MAPK10: variants seen among roughly 807,000 people sequenced by gnomAD.
MAPK10 encodes the protein JNK3 alpha protein kinase.
In MAPK10, 25 loss-of-function variants were observed where a neutral mutation model predicts 59.3. The observed-to-expected ratio is 0.42, with a 90% CI of 0.31 to 0.59. MAPK10 has a LOEUF of 0.59. Ranked by LOEUF, MAPK10 falls within the 20% of genes least tolerant of loss-of-function variation. The pLI, the probability that MAPK10 is intolerant of heterozygous loss-of-function variation, is 0.15. For synonymous variants in MAPK10, 190 were observed against 200.5 expected (o/e 0.95, Z 0.44); for missense variants, 351 against 568.9 (o/e 0.62, Z 3.90).
chr4:86,246,227 C>T (rs1482331270), intron 2 of MAPK10, among the ~76,000 whole-genome samples: 2 of 152,094 alleles, frequency 1.3e-5, no homozygotes, highest in East Asian at 1.9e-4. Flanking sequence ...GTCAGGAGAT[C>T]GAGACTATCC....
intron 3 of MAPK10, chr4:86,164,355 T>C (rs2070885594): frequency 6.6e-6 from 1 of 152,136 alleles, no homozygotes; most frequent in Admixed American, 6.6e-5. Context: ...AGACTTAAGT[T>C]ATGAATATCT....
chr4:86,446,731 T>C (rs1191445669), intron 1 of MAPK10, among the ~76,000 whole-genome samples: 1 of 152,204 alleles, frequency 6.6e-6, no homozygotes, highest in Non-Finnish European at 1.5e-5. Context: ...TCCTTACTGA[T>C]ACTTCTGTCA....
rs146892199 is a variant in MAPK10, at chr4:86,042,232, C to G, written c.1111-10801G>C. 1.3e-3 allele frequency among the ~76,000 whole-genome samples: 192 copies of G among 152,284 alleles called. 2 individuals carry two copies. The highest frequency in any genetic ancestry group is 4.1e-3 in the Admixed American group (63 of 15,294). On this transcript the variant is annotated intron_variant, in intron 11 of 13. Coordinates refer to ENST00000641462, the MANE Select transcript of MAPK10 (RefSeq NM_138982.4). ...AACAACTAGCACAGGAACAAAAAACCAAACACTGCGTGTTCTCACTCATAA... is the reference window on the plus strand; with the variant it reads ...AACAACTAGCACAGGAACAAAAAACGAAACACTGCGTGTTCTCACTCATAA...
chr4:86,118,189 T>A (rs568376903), intron 4 of MAPK10, among the ~76,000 whole-genome samples: 1 of 152,350 alleles, frequency 6.6e-6, no homozygotes, highest in South Asian at 2.1e-4. Flanking sequence ...GTTTAGCAAA[T>A]ACATCTGCAA....
chr4:86,401,654 C>A (rs1371435715), intron 1 of MAPK10, among the ~76,000 whole-genome samples: 1 of 152,136 alleles, frequency 6.6e-6, no homozygotes, highest in Non-Finnish European at 1.5e-5. Flanking sequence ...ATTCTATAAT[C>A]TCTATGTCTA....
chr4:86,211,878 T>C (rs1264006924), intron 2 of MAPK10, among the ~76,000 whole-genome samples: 2 of 152,074 alleles, frequency 1.3e-5, no homozygotes, highest in Admixed American at 1.3e-4. Flanking sequence ...TAAATTCAAA[T>C]TGGTGTGCTA....
At chr4:86,368,624 A>C (rs1368068722) in intron 1 of MAPK10, among the ~76,000 whole-genome samples, 2 of 152,164 alleles carry the variant, frequency 1.3e-5, no homozygotes, top group African/African-American at 2.4e-5. Context: ...TAAGCTTATA[A>C]AAGTACGGGT....
intron 2 of MAPK10, among the ~76,000 whole-genome samples, chr4:86,262,532 T>C (rs2094036873): frequency 6.6e-6 from 1 of 152,158 alleles, no homozygotes; most frequent in Non-Finnish European, 1.5e-5. Flanking sequence ...AGGTTTCTGG[T>C]TGCCTTTTTA....
At chr4:86,147,553 T>C (rs750001584) in intron 4 of MAPK10, among the ~76,000 whole-genome samples, 73 of 152,340 alleles carry the variant, frequency 4.8e-4, no homozygotes, top group Admixed American at 9.8e-4. Context: ...ACTAATGTTA[T>C]ACATTCTGTA....
intron 4 of MAPK10, among the ~76,000 whole-genome samples, chr4:86,158,453 T>C (rs1277271433): frequency 6.6e-6 from 1 of 151,654 alleles, no homozygotes; most frequent in Non-Finnish European, 1.5e-5. Flanking sequence ...TAAATGGACA[T>C]TATGAATGTA....
At chr4:86,535,474 T>C (rs1758169504) in intron 1 of MAPK10, among the ~76,000 whole-genome samples, 1 of 152,188 alleles carries the variant, frequency 6.6e-6, no homozygotes, top group African/African-American at 2.4e-5. Context: ...GTCGCTATTG[T>C]AGCTCACTGC....
intron 1 of MAPK10, among the ~76,000 whole-genome samples, chr4:86,365,318 G>A (rs1286356608): frequency 6.6e-6 from 1 of 151,612 alleles, no homozygotes; most frequent in Non-Finnish European, 1.5e-5. Context: ...TATAGTCCCA[G>A]CTACCTGGGA....
chr4:86,553,672 C>T (rs1233457660), intron 1 of MAPK10, among the ~76,000 whole-genome samples: 2 of 152,114 alleles, frequency 1.3e-5, no homozygotes, highest in Non-Finnish European at 2.9e-5. Flanking sequence ...CTTGGATGCT[C>T]TGTTGAGTAC....
chr4:86,123,009 G>C (rs1489714186), intron 4 of MAPK10, among the ~76,000 whole-genome samples: 1 of 151,986 alleles, frequency 6.6e-6, no homozygotes, highest in Non-Finnish European at 1.5e-5. Context: ...CCTCAAATTA[G>C]ATCCTGTTCA....
At chr4:86,328,729 T>A (rs2096081008) in intron 2 of MAPK10, among the ~76,000 whole-genome samples, 8 of 152,128 alleles carry the variant, frequency 5.3e-5, no homozygotes, top group Admixed American at 5.2e-4. Context: ...GAAACCATCA[T>A]CCTCAGCAAA....
chr4:86,529,111 A>G (rs1000514955), intron 1 of MAPK10, among the ~76,000 whole-genome samples: 5 of 152,230 alleles, frequency 3.3e-5, no homozygotes, highest in Non-Finnish European at 7.3e-5. Flanking sequence ...ATCTCTGCAT[A>G]CAACTGTTGC....
At chr4:86,531,071 T>G (rs1406352142) in intron 1 of MAPK10, among the ~76,000 whole-genome samples, 3 of 152,148 alleles carry the variant, frequency 2.0e-5, no homozygotes, top group African/African-American at 7.2e-5. Flanking sequence ...GTCACCAAGC[T>G]ATCACTTGGC....
At chr4:86,115,659 C>A (rs1171843300) in intron 4 of MAPK10, among the ~76,000 whole-genome samples, 1 of 152,112 alleles carries the variant, frequency 6.6e-6, no homozygotes, top group Non-Finnish European at 1.5e-5. Context: ...CGGGGTTTCT[C>A]CATGTTGGTC....
intron 1 of MAPK10, among the ~76,000 whole-genome samples, chr4:86,590,924 C>G (rs1028776061): frequency 6.6e-6 from 1 of 152,212 alleles, no homozygotes; most frequent in East Asian, 1.9e-4. Flanking sequence ...TGTTATTTCT[C>G]ATAAGTCTGT....
Sources: gnomAD v4.1 joint callset for allele counts (sites outside exome capture counted in the v4.1 genomes callset) on GRCh38, gnomAD v4.1.1 for gene constraint, MANE v1.5 for transcripts, NCBI Gene and HGNC (gene_info 2026-07-23, HGNC 2026-07-21) for gene names.